TMEM117: variants seen among roughly 807,000 people sequenced by gnomAD.
TMEM117 encodes transmembrane protein 117.
TMEM117 carries 27 observed loss-of-function variants against 52.4 expected under a neutral mutation model. The observed-to-expected ratio is 0.51, with a 90% CI of 0.38 to 0.71. TMEM117 has a LOEUF of 0.71. Ranked by LOEUF, TMEM117 falls within the 30% of genes least tolerant of loss-of-function variation. The pLI, the probability that TMEM117 is intolerant of heterozygous loss-of-function variation, is 0.00. For synonymous variants in TMEM117, 215 were observed against 206.3 expected (o/e 1.04, Z -0.36); for missense variants, 556 against 630.5 (o/e 0.88, Z 1.26).
chr12:43,799,953 C>T, the TMEM117 span, among the ~76,000 whole-genome samples: 21 of 151,996 alleles, frequency 1.4e-4, no homozygotes, highest in East Asian at 4.1e-3. Flanking sequence ...AAAAATACTA[C>T]AAAGAGGTCT....
At chr12:44,032,773 C>CCTT (rs566102611) in intron 3 of TMEM117, among the ~76,000 whole-genome samples, 85 of 152,296 alleles carry the variant, frequency 5.6e-4, no homozygotes, top group African/African-American at 2.0e-3. Context: ...CTCCTCTCTA[C>CCTT]CTTGAATACA....
intron 3 of TMEM117, among the ~76,000 whole-genome samples, chr12:44,085,293 CATAGTGCTCAATAAATGTTTG>C (rs1449175493): frequency 6.6e-5 from 10 of 152,046 alleles, no homozygotes; most frequent in African/African-American, 2.4e-4. Context: ...ATGTGCTTTA[CATAGTGCTCAATAAATGTTTG>C]ATTAAATTAA....
intron 3 of TMEM117, among the ~76,000 whole-genome samples, chr12:44,069,621 C>G (rs1021379560): frequency 6.6e-6 from 1 of 152,142 alleles, no homozygotes; most frequent in African/African-American, 2.4e-5. Flanking sequence ...GAAAGGCTGA[C>G]AGTACCCTGT....
intron 3 of TMEM117, among the ~76,000 whole-genome samples, chr12:44,002,320 G>T (rs1055839266): frequency 6.6e-6 from 1 of 152,168 alleles, no homozygotes; most frequent in Non-Finnish European, 1.5e-5. Context: ...CCCTAATGGA[G>T]GCCTTGGAGA....
intron 3 of TMEM117, among the ~76,000 whole-genome samples, chr12:43,968,816 A>G (rs1212078992): frequency 1.3e-5 from 2 of 152,178 alleles, no homozygotes; most frequent in Non-Finnish European, 2.9e-5. Context: ...GTTATTTATG[A>G]GAAAGTACCC....
At chr12:44,256,428 A>G (rs543295948) in intron 5 of TMEM117, among the ~76,000 whole-genome samples, 1 of 152,064 alleles carries the variant, frequency 6.6e-6, no homozygotes, top group Non-Finnish European at 1.5e-5. Context: ...ACATATTTCA[A>G]TAAAGTTAAA....
At chr12:43,812,458 C>T in the TMEM117 span, among the ~76,000 whole-genome samples, 2 of 152,176 alleles carry the variant, frequency 1.3e-5, no homozygotes, top group African/African-American at 4.8e-5. Context: ...CAATGCAGCA[C>T]ATTTTACTAC....
At chr12:44,060,768 TGAGA>T (rs1041260301) in intron 3 of TMEM117, among the ~76,000 whole-genome samples, 1 of 152,140 alleles carries the variant, frequency 6.6e-6, no homozygotes, top group Non-Finnish European at 1.5e-5. Flanking sequence ...GTGAGTTTTC[TGAGA>T]GAGAGACAAC....
chr12:43,797,586 A>G, the TMEM117 span: 1 of 1,428,238 alleles, frequency 7.0e-7, no homozygotes, highest in Non-Finnish European at 9.4e-7. Flanking sequence ...ATGAACATTT[A>G]CAAAATGAAT....
the TMEM117 span, chr12:43,797,121 T>A: frequency 1.9e-6 from 3 of 1,565,312 alleles, no homozygotes; most frequent in African/African-American, 1.4e-5. Flanking sequence ...TAATAACAAA[T>A]ATAATTAGCA....
intron 3 of TMEM117, among the ~76,000 whole-genome samples, chr12:44,106,597 A>G (rs11830711): frequency 0.015 from 2,267 of 152,106 alleles, 38 homozygotes; most frequent in African/African-American, 0.051. Flanking sequence ...ACAATAATAT[A>G]TTGTATACAT....
chr12:44,357,282 A>G (rs1250229699), intron 6 of TMEM117, among the ~76,000 whole-genome samples: 1 of 152,056 alleles, frequency 6.6e-6, no homozygotes, highest in African/African-American at 2.4e-5. Context: ...ACCTGCCACA[A>G]TTATGATCAT....
chr12:44,143,820 A>C (rs1948604203), intron 4 of TMEM117, among the ~76,000 whole-genome samples, 196 bp downstream of exon 4: 3 of 152,198 alleles, frequency 2.0e-5, no homozygotes, highest in African/African-American at 2.4e-5. Flanking sequence ...TGCAATTAGA[A>C]TACAAGTAAT....
intron 6 of TMEM117, among the ~76,000 whole-genome samples, chr12:44,306,802 A>T (rs1047877346): frequency 6.6e-6 from 1 of 152,234 alleles, no homozygotes; most frequent in Non-Finnish European, 1.5e-5. Context: ...TGAACTATCA[A>T]TAATATTACA....
At chr12:43,945,800 A>G (rs77752742) in intron 3 of TMEM117, among the ~76,000 whole-genome samples, 3 of 152,288 alleles carry the variant, frequency 2.0e-5, no homozygotes, top group Non-Finnish European at 4.4e-5. Context: ...TTTCTTCTAA[A>G]TGTAGGCTAG....
intron 3 of TMEM117, among the ~76,000 whole-genome samples, chr12:43,958,246 G>A (rs1200653918): frequency 6.6e-6 from 1 of 152,136 alleles, no homozygotes; most frequent in East Asian, 1.9e-4. Context: ...TAAATACTGT[G>A]TCTAGCACTG....
intron 3 of TMEM117, among the ~76,000 whole-genome samples, chr12:44,141,250 TAAG>T (rs901268545): frequency 2.0e-5 from 3 of 152,110 alleles, no homozygotes; most frequent in African/African-American, 7.2e-5. Flanking sequence ...AAAAAACTTT[TAAG>T]TTCAGGAGTA....
At chr12:44,319,838 A>G (rs1951107953) in intron 6 of TMEM117, among the ~76,000 whole-genome samples, 1 of 152,066 alleles carries the variant, frequency 6.6e-6, no homozygotes, top group Non-Finnish European at 1.5e-5. Context: ...AAACCTAACT[A>G]TATGTCTCTT....
At position 44,388,827 on chromosome 12, in the gene TMEM117, T is replaced by C; in HGVS notation, c.*155T>C. The C allele has an allele frequency of 1.2e-6, 1 of 808,720 alleles. No individual in the cohort carries two copies. The highest frequency in any genetic ancestry group is 1.9e-6 in the Non-Finnish European group (1 of 524,362). The allele number at this position is 808,720 out of a possible 1,614,324, so 50.1% of individuals were successfully genotyped here. ...CTCAACATGCTTTTTCTAGGATTCA[T>C]TGTTTTCTATTTGTATTATAATACA... is the stretch of plus-strand genomic sequence containing the variant. On this transcript the variant is annotated 3_prime_UTR_variant, in exon 8 of 8. Coordinates refer to ENST00000266534, the MANE Select transcript of TMEM117 (RefSeq NM_032256.3).
Sources: gnomAD v4.1 joint callset for allele counts (sites outside exome capture counted in the v4.1 genomes callset) on GRCh38, gnomAD v4.1.1 for gene constraint, MANE v1.5 for transcripts, NCBI Gene and HGNC (gene_info 2026-07-23, HGNC 2026-07-21) for gene names.